The following CDK14 variants were observed in gnomAD, a reference collection of about 807,000 sequenced individuals.
The protein encoded by CDK14 is cyclin dependent kinase 14, also known as cyclin-dependent kinase 14.
CDK14 carries 34 observed loss-of-function variants against 60.7 expected under a neutral mutation model. The observed-to-expected ratio is 0.56, with a 90% confidence interval of 0.43 to 0.75. The LOEUF (loss-of-function observed/expected upper bound fraction) is 0.75, where lower values mean the gene tolerates loss of function less well. Among genes scored for constraint, CDK14 ranks in the 30% least tolerant of loss-of-function variants. The pLI is 0.00. For missense variants in CDK14, 482 were observed against 564.1 expected (o/e 0.85, Z 1.47); for synonymous variants, 197 against 203.7 (o/e 0.97, Z 0.28).
intron 4 of CDK14, among the ~76,000 whole-genome samples, chr7:90,759,136 G>A (rs1001179919): frequency 8.6e-5 from 13 of 151,844 alleles, no homozygotes; most frequent in African/African-American, 3.1e-4. Context: ...AGAGGATGAT[G>A]TTGACTAAAG....
chr7:90,960,577 G>A (rs1260844521), intron 9 of CDK14, among the ~76,000 whole-genome samples: 2 of 152,062 alleles, frequency 1.3e-5, no homozygotes, highest in South Asian at 4.1e-4. Flanking sequence ...ATAGAAAAAT[G>A]TCCACATCAA....
At chr7:90,737,160 G>C (rs1287932089) in intron 3 of CDK14, among the ~76,000 whole-genome samples, 1 of 152,118 alleles carries the variant, frequency 6.6e-6, no homozygotes, top group Non-Finnish European at 1.5e-5. Context: ...CTCTAACCCA[G>C]CTGTGCTCCT....
chr7:91,160,236 G>A (rs926426084), intron 14 of CDK14, among the ~76,000 whole-genome samples: 3 of 152,126 alleles, frequency 2.0e-5, no homozygotes, highest in East Asian at 1.9e-4. Context: ...CTGTGCCCTC[G>A]GCTCTGCCTT....
intron 4 of CDK14, among the ~76,000 whole-genome samples, chr7:90,774,025 T>A (rs1804912062): frequency 2.0e-5 from 3 of 150,578 alleles, no homozygotes; most frequent in African/African-American, 4.9e-5. Context: ...TGCCCCAGAC[T>A]CCAGAGTAGC....
chr7:91,146,276 C>CT (rs1438959920), intron 14 of CDK14, among the ~76,000 whole-genome samples: 2 of 152,208 alleles, frequency 1.3e-5, no homozygotes, highest in Non-Finnish European at 2.9e-5. Context: ...TATTGGCTCA[C>CT]TGCAACCTCC....
At chr7:91,085,360 A>G (rs941127762) in intron 12 of CDK14, among the ~76,000 whole-genome samples, 1 of 152,116 alleles carries the variant, frequency 6.6e-6, no homozygotes, top group African/African-American at 2.4e-5. Context: ...CGCCTCCTGC[A>G]TGCTTCATCA....
intron 2 of CDK14, among the ~76,000 whole-genome samples, chr7:90,667,911 ATCACATTTTGTTTATCCATC>A (rs1277585373): frequency 3.3e-5 from 5 of 152,142 alleles, no homozygotes; most frequent in African/African-American, 1.2e-4. Context: ...GTAGGGATAG[ATCACATTTTGTTTATCCATC>A]CATTAGTTGA....
chr7:90,749,439 T>G (rs565519932), intron 4 of CDK14, among the ~76,000 whole-genome samples: 6 of 152,198 alleles, frequency 3.9e-5, no homozygotes, highest in African/African-American at 1.4e-4. Flanking sequence ...CAGGCAGATC[T>G]CCAGGCAGTT....
At chr7:90,799,884 A>G (rs1788573758) in intron 5 of CDK14, among the ~76,000 whole-genome samples, 1 of 152,102 alleles carries the variant, frequency 6.6e-6, no homozygotes, top group South Asian at 2.1e-4. Flanking sequence ...GAGGGGGGAC[A>G]TGGGAAAAAA....
At chr7:90,982,606 T>C (rs1795259981) in intron 9 of CDK14, among the ~76,000 whole-genome samples, 1 of 152,126 alleles carries the variant, frequency 6.6e-6, no homozygotes, top group Non-Finnish European at 1.5e-5. Context: ...GTTTGTGAAA[T>C]ATAATTGGAA....
At chr7:91,017,985 A>G (rs966045252) in intron 10 of CDK14, among the ~76,000 whole-genome samples, 3 of 152,242 alleles carry the variant, frequency 2.0e-5, no homozygotes, top group Admixed American at 1.3e-4. Flanking sequence ...AACAGCAGAC[A>G]TATAAATGTG....
chr7:91,059,030 G>C (rs1346198356), intron 11 of CDK14, among the ~76,000 whole-genome samples: 1 of 152,146 alleles, frequency 6.6e-6, no homozygotes, highest in East Asian at 1.9e-4. Flanking sequence ...AGTCCGTCTG[G>C]TCCTGGACTT....
chr7:90,645,627 G>C (rs1307937579), intron 2 of CDK14, among the ~76,000 whole-genome samples: 1 of 151,808 alleles, frequency 6.6e-6, no homozygotes, highest in African/African-American at 2.4e-5. Context: ...ATCTCACTCT[G>C]TCATCAGTCT....
chr7:90,882,739 A>T (rs1247730428), intron 6 of CDK14, among the ~76,000 whole-genome samples: 1 of 152,050 alleles, frequency 6.6e-6, no homozygotes, highest in Non-Finnish European at 1.5e-5. Flanking sequence ...AAATCATAAC[A>T]GTCTCTCAGA....
intron 8 of CDK14, among the ~76,000 whole-genome samples, chr7:90,932,376 G>A (rs1251024320): frequency 6.6e-6 from 1 of 152,048 alleles, no homozygotes; most frequent in East Asian, 1.9e-4. Context: ...ATAAAATTAT[G>A]GTCCAATTAA....
rs181482302 is a variant in CDK14, at chr7:90,829,419, A to G, written c.545-33756A>G. ...ATCGAAAACAACTTAGTTACTTCCA[A>G]GATACAGTGGGGGTACAGGCATTGG... is the stretch of plus-strand genomic sequence containing the variant. On this transcript the variant is annotated intron_variant, in intron 5 of 14. Coordinates refer to ENST00000380050, the MANE Select transcript of CDK14 (RefSeq NM_001287135.2). Among the ~76,000 whole-genome samples, 190 of 152,304 alleles carry G rather than the reference A, an allele frequency of 1.2e-3. No homozygotes were observed. In the Middle Eastern group the frequency reaches 0.02, roughly 16 times the overall value.
At chr7:91,078,919 A>C (rs1184255890) in intron 11 of CDK14, among the ~76,000 whole-genome samples, 1 of 152,206 alleles carries the variant, frequency 6.6e-6, no homozygotes, top group African/African-American at 2.4e-5. Flanking sequence ...AACTAAAACA[A>C]ATCTAAAGAT....
At chr7:90,818,310 C>A (rs561607773) in intron 5 of CDK14, among the ~76,000 whole-genome samples, 11 of 152,152 alleles carry the variant, frequency 7.2e-5, no homozygotes, top group Non-Finnish European at 1.6e-4. Flanking sequence ...TATAGTGGAA[C>A]TTATTTACAT....
intron 6 of CDK14, among the ~76,000 whole-genome samples, chr7:90,875,907 A>G (rs1791542805): frequency 6.6e-6 from 1 of 152,084 alleles, no homozygotes; most frequent in Non-Finnish European, 1.5e-5. Flanking sequence ...TTTATAATAT[A>G]TTCTTCCTTG....
Sources: allele counts gnomAD v4.1 joint callset (sites outside exome capture counted in the v4.1 genomes callset), GRCh38; gene constraint gnomAD v4.1.1; transcripts MANE v1.5; gene names NCBI Gene and HGNC (gene_info 2026-07-23, HGNC 2026-07-21).